Variants in HIVEP3 observed in about 807,000 individuals in gnomAD.
The protein encoded by HIVEP3 is HIVEP zinc finger 3.
In HIVEP3, 49 loss-of-function variants were observed where a neutral mutation model predicts 152.8. That is an observed-to-expected ratio of 0.32 (90% CI 0.26 to 0.41). The LOEUF (loss-of-function observed/expected upper bound fraction) is 0.41. HIVEP3 is among the 10% of genes least tolerant of loss of function. The probability of loss-of-function intolerance (pLI) is 1.00; values close to 1 mark genes in which losing one functional copy is unlikely to be tolerated. For synonymous variants in HIVEP3, 1,269 were observed against 1,289.0 expected, an observed-to-expected ratio of 0.98 and a Z score of 0.33; for missense variants, 2,790 against 3,103.3, an observed-to-expected ratio of 0.90 and a Z score of 2.40.
At chr1:41,900,631 G>T (rs1644605228) in intron 1 of HIVEP3, among the ~76,000 whole-genome samples, 1 of 151,986 alleles carries the variant, frequency 6.6e-6, no homozygotes, top group Admixed American at 6.6e-5. Flanking sequence ...AGTAGAGAGG[G>T]AATAGAGAGG....
chr1:41,756,002 A>T (rs938739519), intron 1 of HIVEP3, among the ~76,000 whole-genome samples: 7 of 152,352 alleles, frequency 4.6e-5, no homozygotes, highest in African/African-American at 1.7e-4. Flanking sequence ...AAACAAATAC[A>T]AATTGTGTGC....
At chr1:41,515,944 CAGGGGT>C (rs897590077) in intron 7 of HIVEP3, among the ~76,000 whole-genome samples, 242 of 152,298 alleles carry the variant, frequency 1.6e-3, no homozygotes, top group African/African-American at 5.6e-3. Flanking sequence ...ATGAAGGTCA[CAGGGGT>C]AGTGTTAGGA....
chr1:41,716,093 G>A (rs1463117380), intron 1 of HIVEP3, among the ~76,000 whole-genome samples: 6 of 152,206 alleles, frequency 3.9e-5, no homozygotes, highest in African/African-American at 9.6e-5. Flanking sequence ...AGCAAAGGCC[G>A]GGCAGGGTGC....
intron 1 of HIVEP3, among the ~76,000 whole-genome samples, chr1:41,875,270 T>C (rs1451255390): frequency 6.6e-6 from 1 of 152,206 alleles, no homozygotes; most frequent in Admixed American, 6.5e-5. Flanking sequence ...TTGTAGATGG[T>C]GCCTGGGAAC....
chr1:41,914,273 T>G (rs1161090778), intron 1 of HIVEP3, among the ~76,000 whole-genome samples: 1 of 152,220 alleles, frequency 6.6e-6, no homozygotes, highest in African/African-American at 2.4e-5. Flanking sequence ...TTCCAAGCCC[T>G]CTGGGACTTC....
chr1:41,565,215 A>G (rs1179174924), intron 5 of HIVEP3, among the ~76,000 whole-genome samples: 1 of 152,178 alleles, frequency 6.6e-6, no homozygotes, highest in East Asian at 1.9e-4. Context: ...AACACTAATG[A>G]GAGGATAGGG....
intron 1 of HIVEP3, among the ~76,000 whole-genome samples, chr1:41,991,550 G>C (rs1036017931): frequency 4.7e-5 from 7 of 147,664 alleles, no homozygotes; most frequent in Non-Finnish European, 4.5e-5. Flanking sequence ...TGGATTCACA[G>C]CCGAATTCTA....
At chr1:41,608,010 G>T (rs1182792983) in intron 3 of HIVEP3, among the ~76,000 whole-genome samples, 4 of 152,222 alleles carry the variant, frequency 2.6e-5, no homozygotes, top group Admixed American at 1.3e-4. Flanking sequence ...ACTCCTAGCT[G>T]CTAGGAGGGT....
At chr1:41,973,151 T>C (rs927285261) in intron 1 of HIVEP3, among the ~76,000 whole-genome samples, 2 of 152,110 alleles carry the variant, frequency 1.3e-5, no homozygotes, top group African/African-American at 4.8e-5. Flanking sequence ...GGGACCTTGG[T>C]AAGGAACAAA....
chr1:41,947,403 G>A (rs1645081420), intron 1 of HIVEP3, among the ~76,000 whole-genome samples: 1 of 152,186 alleles, frequency 6.6e-6, no homozygotes, highest in African/African-American at 2.4e-5. Flanking sequence ...GGCCCTCAGT[G>A]AGGACTGTAT....
At chr1:41,689,652 T>C (rs1646166091) in intron 2 of HIVEP3, among the ~76,000 whole-genome samples, 1 of 152,246 alleles carries the variant, frequency 6.6e-6, no homozygotes, top group African/African-American at 2.4e-5. Context: ...GAGGCCATTA[T>C]GTGTGGGCAT....
In HIVEP3 at chr1:41,584,220, A is replaced by G. The variant is rs981061221; in HGVS notation, c.578T>C (p.Ile193Thr). The G allele has an allele frequency of 1.2e-5, 19 of 1,613,972 alleles. No individual in the cohort carries two copies. The highest frequency in any genetic ancestry group is 1.4e-5 in the Non-Finnish European group (17 of 1,180,000). The part of the protein sequence containing the change: ...ERKPQKPGKY[I>T]CQYCSRPCAK... Reference sequence around the variant, plus strand: ...ACAGGGCCGGCTGCAGTACTGGCAGATGTACTTGCCTGGCTTCTGGGGCTT... The same window carrying G: ...ACAGGGCCGGCTGCAGTACTGGCAGGTGTACTTGCCTGGCTTCTGGGGCTT... Residue 193 changes from isoleucine to threonine, a missense_variant, in exon 4 of 9, where the codon ATC becomes ACC. Around this residue, in one of 9 missense-constraint regions of HIVEP3, gnomAD observed 25 missense variants for 75.9 expected, o/e 0.33. Transcript: ENST00000372583. This position sits in a 1 kb window ranked among gnomAD's most constrained non-coding sequence, Gnocchi z 5.2.
chr1:41,650,732 T>A (rs2124013089), intron 2 of HIVEP3, among the ~76,000 whole-genome samples: 1 of 152,314 alleles, frequency 6.6e-6, no homozygotes, highest in East Asian at 1.9e-4. Context: ...ATACACAGAC[T>A]TAACTGTTTA....
At chr1:41,530,595 C>T (rs1250280221) in intron 5 of HIVEP3, among the ~76,000 whole-genome samples, 5 of 152,294 alleles carry the variant, frequency 3.3e-5, no homozygotes, top group South Asian at 2.1e-4. Flanking sequence ...CCTTGCTTGT[C>T]GGGTCCATGG....
At chr1:42,005,372 C>CATATATATGACACACACATGTGT (rs1645452940) in intron 1 of HIVEP3, among the ~76,000 whole-genome samples, 2 of 151,868 alleles carry the variant, frequency 1.3e-5, no homozygotes, top group Non-Finnish European at 2.9e-5. Flanking sequence ...TGCACATATA[C>CATATATATGACACACACATGTGT]ATATATATGA....
chr1:41,973,817 G>A (rs548097369), intron 1 of HIVEP3, among the ~76,000 whole-genome samples: 7 of 152,174 alleles, frequency 4.6e-5, no homozygotes, highest in Admixed American at 1.3e-4. Context: ...CCAGTGACAG[G>A]AGACCCTGAG....
intron 6 of HIVEP3, 93 bp from the exon 7 acceptor site, chr1:41,518,581 A>AGG: frequency 8.2e-7 from 1 of 1,220,846 alleles, no homozygotes. Context: ...CCGGCAGGCC[A>AGG]TGGTTTCTCA....
intron 3 of HIVEP3, among the ~76,000 whole-genome samples, chr1:41,609,210 A>T (rs999983575): frequency 2.4e-4 from 36 of 152,252 alleles, no homozygotes; most frequent in African/African-American, 8.0e-4. Flanking sequence ...GACACCGGAA[A>T]GGAAGATGAA....
At chr1:41,863,777 T>C (rs1643919289) in intron 1 of HIVEP3, among the ~76,000 whole-genome samples, 1 of 152,242 alleles carries the variant, frequency 6.6e-6, no homozygotes, top group Non-Finnish European at 1.5e-5. Flanking sequence ...GGACAAGTCA[T>C]TTAAATTTTT....
Sources: allele counts gnomAD v4.1 joint callset (sites outside exome capture counted in the v4.1 genomes callset), GRCh38; gene constraint gnomAD v4.1.1; regional missense constraint gnomAD v4.1.1; non-coding constraint Gnocchi (gnomAD v3.1); transcripts MANE v1.5; gene names NCBI Gene and HGNC (gene_info 2026-07-23, HGNC 2026-07-21).